Variants in COX7B2 observed in about 807,000 individuals in gnomAD.
COX7B2 encodes the protein cytochrome c oxidase subunit 7B2, mitochondrial.
For synonymous variants in COX7B2, 37 were observed against 32.1 expected, an observed-to-expected ratio of 1.15 and a Z score of -0.51; for missense variants, 109 against 95.9, an observed-to-expected ratio of 1.14 and a Z score of -0.57.
At chr4:46,763,340 T>G (rs1716339480) in intron 2 of COX7B2, among the ~76,000 whole-genome samples, 1 of 150,130 alleles carries the variant, frequency 6.7e-6, no homozygotes, top group Non-Finnish European at 1.5e-5. Flanking sequence ...GCTTCTTTTC[T>G]CATGTTTGTG....
In COX7B2 at chr4:46,734,886, A is replaced by C; in HGVS notation, c.*61T>G. On this transcript the variant is annotated 3_prime_UTR_variant, in exon 3 of 3. Coordinates refer to ENST00000355591, the MANE Select transcript of COX7B2 (RefSeq NM_130902.3). ...ATTGTGCTATATTTTAATAAGCAGT[A>C]GAGTGCTTACATGACAAGTTGGTTT... 6.4e-7 allele frequency: 1 copy of C among 1,564,352 alleles called. No individual in the cohort carries two copies. Among genetic ancestry groups the C allele is most frequent in the Admixed American group, 1.7e-5 (1 of 59,344 alleles).
At chr4:46,783,092 G>T (rs1470822304) in intron 2 of COX7B2, among the ~76,000 whole-genome samples, 4 of 152,056 alleles carry the variant, frequency 2.6e-5, no homozygotes, top group African/African-American at 9.7e-5. Flanking sequence ...ACTAAAAATG[G>T]GGTACATGAA....
intron 1 of COX7B2, among the ~76,000 whole-genome samples, chr4:46,874,489 C>T (rs1241837848): frequency 6.6e-6 from 1 of 152,192 alleles, no homozygotes; most frequent in Non-Finnish European, 1.5e-5. Context: ...TGAAACTTAT[C>T]TGCTCTTCAT....
intron 1 of COX7B2, among the ~76,000 whole-genome samples, chr4:46,881,600 T>TA (rs202144834): frequency 0.1 from 15,238 of 145,860 alleles, 886 homozygotes; most frequent in South Asian, 0.24. Flanking sequence ...TCATCTCTAA[T>TA]AAAAAAAAAA....
At chr4:46,899,549 T>A (rs776902083) in intron 1 of COX7B2, among the ~76,000 whole-genome samples, 8 of 152,258 alleles carry the variant, frequency 5.3e-5, no homozygotes, top group Admixed American at 2.0e-4. Flanking sequence ...TGTGCCTTTA[T>A]GTATGTGGTG....
Position 46,747,510 on chromosome 4 carries a change from G to A in COX7B2, c.-49-12269C>T, listed in dbSNP as rs147331441. Among the ~76,000 whole-genome samples the A allele has an allele frequency of 5.5e-3, 831 of 151,854 alleles. 7 individuals carry two copies. Among genetic ancestry groups the A allele is most frequent in the African/African-American group, 0.019 (771 of 41,386 alleles). ...ATAGAGACGGGGTTTCACCATTTTG[G>A]TCAGGCTGGTCTTGAACTCTTGACC... On this transcript the variant is annotated intron_variant, in intron 2 of 2. Transcript: ENST00000355591.
intron 1 of COX7B2, among the ~76,000 whole-genome samples, chr4:46,884,884 T>C (rs1718979694): frequency 1.4e-5 from 2 of 140,512 alleles, no homozygotes; most frequent in South Asian, 2.2e-4. Flanking sequence ...ATCTGTTTGC[T>C]TTTTTTTTTT....
chr4:46,883,067 C>A (rs902617749), intron 1 of COX7B2, among the ~76,000 whole-genome samples: 1 of 152,136 alleles, frequency 6.6e-6, no homozygotes, highest in Admixed American at 6.5e-5. Flanking sequence ...GAAATAAAAT[C>A]TCCATATTAA....
At chr4:46,755,498 T>C (rs915282795) in intron 2 of COX7B2, among the ~76,000 whole-genome samples, 2 of 152,018 alleles carry the variant, frequency 1.3e-5, no homozygotes, top group Non-Finnish European at 2.9e-5. Flanking sequence ...ATAATAGGCA[T>C]TCAAATTAGA....
intron 2 of COX7B2, among the ~76,000 whole-genome samples, chr4:46,775,656 C>T (rs190684287): frequency 8.0e-4 from 121 of 152,024 alleles, no homozygotes; most frequent in African/African-American, 6.3e-4. Context: ...GCAAGATACA[C>T]GGAGAGTCAA....
intron 2 of COX7B2, among the ~76,000 whole-genome samples, chr4:46,785,696 T>C (rs931174391): frequency 6.6e-6 from 1 of 152,158 alleles, no homozygotes. Context: ...GTTAAGATAT[T>C]AATAAAAGGA....
At chr4:46,884,976 T>C (rs2046157406) in intron 1 of COX7B2, among the ~76,000 whole-genome samples, 1 of 152,138 alleles carries the variant, frequency 6.6e-6, no homozygotes, top group Non-Finnish European at 1.5e-5. Context: ...TCTGTTTTTT[T>C]ATAAACTTGT....
intron 2 of COX7B2, among the ~76,000 whole-genome samples, chr4:46,806,761 G>C (rs1333349841): frequency 1.3e-5 from 2 of 151,968 alleles, no homozygotes; most frequent in Non-Finnish European, 1.5e-5. Context: ...ATGTAAGTTA[G>C]ATCATGCAAT....
rs1443094403 is a variant in COX7B2 at position 46,856,359 on chromosome 4, T to TAC, written c.-104-11346_-104-11345insGT. 7.9e-5 allele frequency among the ~76,000 whole-genome samples: 12 copies of TAC among 152,300 alleles called. No homozygotes were observed. In the East Asian group the frequency reaches 2.3e-3, roughly 29 times the overall value. ...GACCAGTATTTCTTTTCAAAGCCCT[T>TAC]AGCTAACATCAGCAAATTCAGTCCT... is the stretch of plus-strand genomic sequence containing the variant. On this transcript the variant is annotated intron_variant, in intron 1 of 2. Transcript: ENST00000355591.
At chr4:46,854,776 T>C (rs909965251) in intron 1 of COX7B2, among the ~76,000 whole-genome samples, 19 of 152,148 alleles carry the variant, frequency 1.2e-4, no homozygotes, top group Non-Finnish European at 2.1e-4. Flanking sequence ...ATTCTTAAAA[T>C]GGAATATTAT....
At chr4:46,864,158 A>AGGATGAATT (rs1028952116) in intron 1 of COX7B2, among the ~76,000 whole-genome samples, 4 of 152,206 alleles carry the variant, frequency 2.6e-5, no homozygotes, top group African/African-American at 9.7e-5. Flanking sequence ...GGATCCCCCA[A>AGGATGAATT]GGATGAATTT....
At chr4:46,892,645 CT>C (rs1387116481) in intron 1 of COX7B2, among the ~76,000 whole-genome samples, 4 of 152,126 alleles carry the variant, frequency 2.6e-5, no homozygotes, top group African/African-American at 9.7e-5. Flanking sequence ...AAAAAAATGA[CT>C]CCTTATCAAC....
intron 1 of COX7B2, among the ~76,000 whole-genome samples, chr4:46,872,027 T>C (rs1001606715): frequency 2.6e-5 from 4 of 152,258 alleles, no homozygotes; most frequent in South Asian, 2.1e-4. Flanking sequence ...CATGTGAAAG[T>C]TCATTACAGC....
intron 2 of COX7B2, among the ~76,000 whole-genome samples, chr4:46,770,622 G>A (rs1292332608): frequency 6.6e-6 from 1 of 150,878 alleles, no homozygotes; most frequent in African/African-American, 2.4e-5. Context: ...TATAAAAACA[G>A]ATATATAGAC....
Sources: gnomAD v4.1 joint callset for allele counts (sites outside exome capture counted in the v4.1 genomes callset) on GRCh38, gnomAD v4.1.1 for gene constraint, MANE v1.5 for transcripts, NCBI Gene and HGNC (gene_info 2026-07-23, HGNC 2026-07-21) for gene names.